Variants in SEMA3E observed in about 807,000 individuals in gnomAD.
SEMA3E encodes the protein semaphorin-3E.
In SEMA3E, 49 loss-of-function variants were observed where a neutral mutation model predicts 93.6. That is an observed-to-expected ratio of 0.52 (90% CI 0.42 to 0.66). SEMA3E has a LOEUF of 0.66. Among genes scored for constraint, SEMA3E ranks in the 30% least tolerant of loss-of-function variants. SEMA3E has a pLI of 0.00. For missense variants in SEMA3E, 906 were observed against 964.8 expected (o/e 0.94, Z 0.81); for synonymous variants, 363 against 330.7 (o/e 1.10, Z -1.06).
intron 1 of SEMA3E, among the ~76,000 whole-genome samples, chr7:83,494,004 T>C (rs1790438515): frequency 6.6e-6 from 1 of 151,930 alleles, no homozygotes; most frequent in African/African-American, 2.4e-5. Flanking sequence ...ATGTTTATTA[T>C]ATATTTACTC....
intron 4 of SEMA3E, among the ~76,000 whole-genome samples, chr7:83,432,981 G>C (rs1788922652): frequency 6.6e-6 from 1 of 152,212 alleles, no homozygotes; most frequent in Non-Finnish European, 1.5e-5. Flanking sequence ...GTCCAGGACA[G>C]TAGCTTTTGA....
At chr7:83,477,304 G>C (rs1426198979) in intron 2 of SEMA3E, among the ~76,000 whole-genome samples, 3 of 151,928 alleles carry the variant, frequency 2.0e-5, no homozygotes, top group African/African-American at 7.2e-5. Flanking sequence ...AATGAAAAGT[G>C]TTTGCCTATA....
chr7:83,597,965 T>C (rs1464027830), intron 1 of SEMA3E, among the ~76,000 whole-genome samples: 1 of 152,178 alleles, frequency 6.6e-6, no homozygotes, highest in Non-Finnish European at 1.5e-5. Context: ...AGAAAAATGA[T>C]CAGGTTCACT....
chr7:83,585,267 G>C (rs1792601184), intron 1 of SEMA3E, among the ~76,000 whole-genome samples: 1 of 152,022 alleles, frequency 6.6e-6, no homozygotes, highest in Non-Finnish European at 1.5e-5. Context: ...GCCTCCCATT[G>C]TTTTCATAAC....
chr7:83,522,056 G>A (rs1791062041), intron 1 of SEMA3E, among the ~76,000 whole-genome samples: 1 of 152,034 alleles, frequency 6.6e-6, no homozygotes, highest in African/African-American at 2.4e-5. Flanking sequence ...TTATACAGAA[G>A]CATTATAAAG....
At chr7:83,478,629 G>A (rs1347887220) in intron 2 of SEMA3E, among the ~76,000 whole-genome samples, 1 of 152,176 alleles carries the variant, frequency 6.6e-6, no homozygotes, top group Non-Finnish European at 1.5e-5. Flanking sequence ...AGGGTGTACA[G>A]TTACATCTAA....
At chr7:83,388,460 A>G (rs1373169682) in intron 14 of SEMA3E, among the ~76,000 whole-genome samples, 2 of 151,760 alleles carry the variant, frequency 1.3e-5, no homozygotes, top group African/African-American at 4.8e-5. Context: ...TCTAAAATCA[A>G]GAACTCTGGC....
chr7:83,514,683 A>G (rs1181808696), intron 1 of SEMA3E, among the ~76,000 whole-genome samples: 1 of 152,196 alleles, frequency 6.6e-6, no homozygotes, highest in African/African-American at 2.4e-5. Flanking sequence ...AAGTATCCAA[A>G]TTGCAGAAGG....
At chr7:83,541,799 G>A (rs1791538134) in intron 1 of SEMA3E, among the ~76,000 whole-genome samples, 1 of 152,086 alleles carries the variant, frequency 6.6e-6, no homozygotes, top group South Asian at 2.1e-4. Flanking sequence ...AGGGATGCTG[G>A]CTGAAACACA....
intron 1 of SEMA3E, among the ~76,000 whole-genome samples, chr7:83,563,307 T>C (rs894412116): frequency 6.6e-6 from 1 of 152,226 alleles, no homozygotes; most frequent in Non-Finnish European, 1.5e-5. Context: ...GCTAGAGAAA[T>C]AGCATTCAAC....
At chr7:83,371,334 TAA>T (rs1164518381) in intron 16 of SEMA3E, among the ~76,000 whole-genome samples, 2 of 152,130 alleles carry the variant, frequency 1.3e-5, no homozygotes, top group Non-Finnish European at 2.9e-5. Context: ...GTCACTTGAA[TAA>T]AGTGTTGGGA....
chr7:83,530,882 A>G (rs111976806), intron 1 of SEMA3E, among the ~76,000 whole-genome samples: 22 of 37,330 alleles, frequency 5.9e-4, no homozygotes, highest in East Asian at 1.6e-3. Flanking sequence ...CCGTCGGGGG[A>G]AAAAAAAAAT....
chr7:83,495,970 G>A (rs1214429712), intron 1 of SEMA3E, among the ~76,000 whole-genome samples: 1 of 151,774 alleles, frequency 6.6e-6, no homozygotes, highest in Non-Finnish European at 1.5e-5. Context: ...CTATATCCAG[G>A]TACTGGTCCT....
chr7:83,372,362 G>C, intron 16 of SEMA3E: 1 of 397,506 alleles, frequency 2.5e-6, no homozygotes, highest in East Asian at 3.6e-5. Flanking sequence ...TCCTGTGAGA[G>C]TGAATAATAC....
At chr7:83,430,301 C>A (rs1305238498) in intron 4 of SEMA3E, among the ~76,000 whole-genome samples, 4 of 152,000 alleles carry the variant, frequency 2.6e-5, no homozygotes, top group Non-Finnish European at 5.9e-5. Flanking sequence ...CCTGTCTCTA[C>A]TTAAAACACA....
intron 1 of SEMA3E, among the ~76,000 whole-genome samples, chr7:83,587,367 A>C (rs1406515456): frequency 6.6e-6 from 1 of 152,174 alleles, no homozygotes; most frequent in African/African-American, 2.4e-5. Flanking sequence ...AAGGTGCTGT[A>C]GGTTTGGCAT....
At chr7:83,469,409 TTTTC>T in intron 2 of SEMA3E, 107 bp from the exon 3 acceptor site, 1 of 720,720 alleles carries the variant, frequency 1.4e-6, no homozygotes, top group South Asian at 1.7e-5. Context: ...TTTTTTTTTT[TTTTC>T]TGTTTTCTGA....
intron 1 of SEMA3E, among the ~76,000 whole-genome samples, chr7:83,490,838 C>T (rs376960121): frequency 2.0e-5 from 3 of 152,166 alleles, no homozygotes; most frequent in African/African-American, 4.8e-5. Flanking sequence ...AATACTCTTG[C>T]ATTCGTGCCT....
chr7:83,473,806 T>A (rs188244307), intron 2 of SEMA3E, among the ~76,000 whole-genome samples: 23 of 152,152 alleles, frequency 1.5e-4, no homozygotes, highest in Non-Finnish European at 1.2e-4. Context: ...AGATTCAGCT[T>A]TTTTAGGACA....
Sources: gnomAD v4.1 joint callset for allele counts (sites outside exome capture counted in the v4.1 genomes callset) on GRCh38, gnomAD v4.1.1 for gene constraint, MANE v1.5 for transcripts, NCBI Gene and HGNC (gene_info 2026-07-23, HGNC 2026-07-21) for gene names.